Variants in SEZ6L observed in about 807,000 individuals in gnomAD.
SEZ6L encodes the protein seizure 6-like protein.
SEZ6L carries 37 observed loss-of-function variants against 106.2 expected under a neutral mutation model. The observed-to-expected ratio is 0.35, with a 90% confidence interval of 0.27 to 0.46. The LOEUF is 0.46. Among genes scored for constraint, SEZ6L ranks in the 20% least tolerant of loss-of-function variants. The probability of loss-of-function intolerance (pLI) is 1.00; values close to 1 mark genes in which losing one functional copy is unlikely to be tolerated. For missense variants in SEZ6L, 1,172 were observed against 1,332.8 expected (o/e 0.88, Z 1.88); for synonymous variants, 541 against 570.4 (o/e 0.95, Z 0.73).
At chr22:26,224,684 C>T (rs1360163907) in intron 1 of SEZ6L, among the ~76,000 whole-genome samples, 2 of 152,118 alleles carry the variant, frequency 1.3e-5, no homozygotes, top group South Asian at 2.1e-4. Context: ...CATACAGATA[C>T]AGGATATGTT....
rs1344804213 is a variant in SEZ6L at position 26,382,507 on chromosome 22, G to C, written c.*2212G>C. The C allele has an allele frequency of 2.6e-5, 4 of 152,352 alleles. No individual in the cohort carries two copies. Among genetic ancestry groups the C allele is most frequent in the Non-Finnish European group, 4.4e-5 (3 of 68,192 alleles). 9.4% of individuals were successfully genotyped at this position (152,352 alleles called of 1,614,324 possible). ...TATTGACTATTGGAAAGATAGAAAA[G>C]GCGTTGTGTTTTTTGTTTTTTTGTT... is the stretch of plus-strand genomic sequence containing the variant. On this transcript the variant is annotated 3_prime_UTR_variant, in exon 17 of 17. Coordinates refer to ENST00000248933, the MANE Select transcript of SEZ6L (RefSeq NM_021115.5).
At chr22:26,208,362 C>T (rs1237442297) in intron 1 of SEZ6L, among the ~76,000 whole-genome samples, 2 of 152,156 alleles carry the variant, frequency 1.3e-5, no homozygotes, top group Non-Finnish European at 2.9e-5. Context: ...TAAAGAATTT[C>T]CTTTAGCTTT....
intron 1 of SEZ6L, among the ~76,000 whole-genome samples, chr22:26,292,005 AAGG>A (rs1374397909): frequency 8.7e-6 from 1 of 115,390 alleles, no homozygotes; most frequent in Non-Finnish European, 1.9e-5. Flanking sequence ...GGAAGGAAGG[AAGG>A]AAGGAAGGAA....
chr22:26,360,189 T>C (rs1443249283), intron 12 of SEZ6L, among the ~76,000 whole-genome samples: 1 of 152,184 alleles, frequency 6.6e-6, no homozygotes, highest in African/African-American at 2.4e-5. Flanking sequence ...TAAAATACCA[T>C]AGGGGCGGAG....
intron 1 of SEZ6L, among the ~76,000 whole-genome samples, chr22:26,175,377 G>A (rs1938909478): frequency 6.6e-6 from 1 of 152,154 alleles, no homozygotes; most frequent in African/African-American, 2.4e-5. Context: ...TTTTATAGAT[G>A]AGGAAACCAA....
At chr22:26,276,216 C>T (rs1321538719) in intron 1 of SEZ6L, among the ~76,000 whole-genome samples, 1 of 152,218 alleles carries the variant, frequency 6.6e-6, no homozygotes, top group Non-Finnish European at 1.5e-5. Flanking sequence ...TAAAACCCAA[C>T]CCTTGCTTTA....
chr22:26,198,261 A>G (rs1408984123), intron 1 of SEZ6L, among the ~76,000 whole-genome samples: 1 of 152,264 alleles, frequency 6.6e-6, no homozygotes, highest in African/African-American at 2.4e-5. Flanking sequence ...CAATGAGGCT[A>G]GTCTTAAAGG....
rs2084197661 is a variant in SEZ6L, at chr22:26,375,642, C to T, written c.2895C>T (p.Val965=). 3 of 1,614,134 alleles carry T rather than the reference C, an allele frequency of 1.9e-6. No homozygotes were observed. The East Asian group carries it at 6.7e-5, about 36-fold the overall frequency. ...TGGCCCTGGCTATCTTCATCCCGGT[C>T]CTCATCATCTCCTTACTGCTGGGAG... ...GNMALAIFIP[V]LIISLLLGGA... The change falls in exon 15 of 17, where the codon GTC becomes GTT. Residue 965 remains valine, a synonymous_variant. Coordinates refer to ENST00000248933, the MANE Select transcript of SEZ6L (RefSeq NM_021115.5).
chr22:26,256,098 C>T (rs1381137227), intron 1 of SEZ6L, among the ~76,000 whole-genome samples: 1 of 152,052 alleles, frequency 6.6e-6, no homozygotes, highest in African/African-American at 2.4e-5. Context: ...CCTCTCTTCT[C>T]ACAAAAGGAG....
At chr22:26,315,106 A>G (rs1412971780) in intron 9 of SEZ6L, among the ~76,000 whole-genome samples, 3 of 152,242 alleles carry the variant, frequency 2.0e-5, no homozygotes, top group African/African-American at 7.2e-5. Context: ...CTCTGGCTCT[A>G]CAGAGGAACC....
intron 1 of SEZ6L, among the ~76,000 whole-genome samples, chr22:26,183,401 A>G (rs1380487648): frequency 6.6e-6 from 1 of 152,168 alleles, no homozygotes; most frequent in African/African-American, 2.4e-5. Context: ...CGTTGTCCTG[A>G]TGACTTCCGG....
At chr22:26,340,355 T>C (rs1601545756) in intron 9 of SEZ6L, 81 bp from the exon 10 acceptor site, 1 of 1,356,232 alleles carries the variant, frequency 7.4e-7, no homozygotes, top group East Asian at 2.3e-5. Flanking sequence ...AAATTTTGTA[T>C]TGCCTGAAAA....
intron 9 of SEZ6L, among the ~76,000 whole-genome samples, chr22:26,317,461 A>G (rs2082037615): frequency 6.6e-6 from 1 of 151,276 alleles, no homozygotes; most frequent in Non-Finnish European, 1.5e-5. Flanking sequence ...AGCCTCCCAG[A>G]TGGGTGGTTT....
At chr22:26,324,817 T>C (rs2082260711) in intron 9 of SEZ6L, among the ~76,000 whole-genome samples, 1 of 152,176 alleles carries the variant, frequency 6.6e-6, no homozygotes, top group Non-Finnish European at 1.5e-5. Context: ...TGGGAAGAGA[T>C]TGCCCCAAGA....
chr22:26,349,532 G>T (rs1005986204), intron 11 of SEZ6L, among the ~76,000 whole-genome samples: 1 of 152,230 alleles, frequency 6.6e-6, no homozygotes, highest in African/African-American at 2.4e-5. Context: ...GTCACACATA[G>T]ACATCTATAT....
chr22:26,316,791 C>G (rs2145933759), intron 9 of SEZ6L, among the ~76,000 whole-genome samples: 1 of 149,990 alleles, frequency 6.7e-6, no homozygotes, highest in Non-Finnish European at 1.5e-5. Flanking sequence ...AAGATCATGC[C>G]TCTACACTTA....
At chr22:26,309,308 T>C (rs960168064) in intron 6 of SEZ6L, among the ~76,000 whole-genome samples, 3 of 152,236 alleles carry the variant, frequency 2.0e-5, no homozygotes, top group African/African-American at 7.2e-5. Flanking sequence ...TTAACACATT[T>C]TATTTTTCAG....
At chr22:26,263,871 G>A (rs1001317025) in intron 1 of SEZ6L, among the ~76,000 whole-genome samples, 4 of 152,134 alleles carry the variant, frequency 2.6e-5, no homozygotes, top group African/African-American at 9.7e-5. Flanking sequence ...TTTAAATCTT[G>A]TTCACCTTTT....
rs569663967 is a variant in SEZ6L at position 26,308,857 on chromosome 22, C to G, written c.1515-1813C>G. ...CTTGAAGCTTTCCTCCAGAGCAACC[C>G]TCTTTGCCAAAGGCTTCTGTTCTTT... On this transcript the variant is annotated intron_variant, in intron 6 of 16. Coordinates refer to ENST00000248933, the MANE Select transcript of SEZ6L (RefSeq NM_021115.5). Among the ~76,000 whole-genome samples the G allele has an allele frequency of 2.0e-5, 3 of 152,272 alleles. No homozygotes were observed. In the South Asian group the frequency reaches 6.2e-4, roughly 32 times the overall value.
Sources: gnomAD v4.1 joint callset for allele counts (sites outside exome capture counted in the v4.1 genomes callset) on GRCh38, gnomAD v4.1.1 for gene constraint, MANE v1.5 for transcripts, NCBI Gene and HGNC (gene_info 2026-07-23, HGNC 2026-07-21) for gene names.